The following IP6K3 variants were observed in gnomAD, a reference collection of about 807,000 sequenced individuals.
IP6K3 encodes inositol hexakisphosphate kinase 3, also known as ATP:1D-myo-inositol-hexakisphosphate phosphotransferase.
In IP6K3, 20 loss-of-function variants were observed where a neutral mutation model predicts 28.8. The observed-to-expected ratio is 0.70, with a 90% confidence interval of 0.49 to 1.01. IP6K3 has a LOEUF of 1.01. Ranked by LOEUF, IP6K3 falls within the 50% of genes least tolerant of loss-of-function variation. The probability of loss-of-function intolerance (pLI) is 0.00; values close to 1 mark genes in which losing one functional copy is unlikely to be tolerated. For missense variants in IP6K3, 480 were observed against 537.1 expected (o/e 0.89, Z 1.05); for synonymous variants, 213 against 221.3 (o/e 0.96, Z 0.33).
intron 1 of IP6K3, among the ~76,000 whole-genome samples, chr6:33,740,950 T>C (rs1766698263): frequency 6.6e-6 from 1 of 152,238 alleles, no homozygotes; most frequent in Admixed American, 6.5e-5. Context: ...TGGCTGACTG[T>C]GGCCATTGTC....
rs10947433 is a variant in IP6K3 at position 33,721,852 on chromosome 6, G to A, written c.*868C>T. On this transcript the variant is annotated 3_prime_UTR_variant, in exon 6 of 6. Coordinates refer to ENST00000293756, the MANE Select transcript of IP6K3 (RefSeq NM_054111.5). ...GTAAACATTGCCCCTGGTTTCCTCC[G>A]TCCTCCAGGTTCTTCTGACTCCCCA... 9,153 of 152,378 alleles carry A rather than the reference G, an allele frequency of 0.06. 448 individuals carry two copies. Among genetic ancestry groups the A allele is most frequent in the Admixed American group, 0.15 (2,236 of 15,256 alleles). 9.4% of individuals were successfully genotyped at this position (152,378 alleles called of 1,614,324 possible).
chr6:33,753,463 C>A, the IP6K3 span, among the ~76,000 whole-genome samples: 1 of 152,000 alleles, frequency 6.6e-6, no homozygotes, highest in African/African-American at 2.4e-5. Context: ...CCAAGCTGGG[C>A]CTTGAAGGAC....
intron 2 of IP6K3, among the ~76,000 whole-genome samples, chr6:33,731,250 C>T (rs920900472): frequency 1.8e-4 from 28 of 152,172 alleles, no homozygotes; most frequent in African/African-American, 5.5e-4. Flanking sequence ...AGCTGCCCTC[C>T]AGCACTCCCC....
intron 5 of IP6K3, among the ~76,000 whole-genome samples, chr6:33,723,543 A>G (rs1362036806): frequency 6.6e-6 from 1 of 152,208 alleles, no homozygotes; most frequent in African/African-American, 2.4e-5. Flanking sequence ...CTTCAATTCA[A>G]ATATTAGCAA....
the IP6K3 span, among the ~76,000 whole-genome samples, chr6:33,754,260 G>A: frequency 0.01 from 1,584 of 152,174 alleles, 20 homozygotes; most frequent in African/African-American, 0.035. Flanking sequence ...ACTTTCAGAC[G>A]TGGGTGGTGG....
At chr6:33,726,599 T>C in intron 4 of IP6K3, 132 bp downstream of exon 4, 1 of 926,186 alleles carries the variant, frequency 1.1e-6, no homozygotes, top group Non-Finnish European at 1.6e-6. Context: ...CAGCTATCCC[T>C]CACATCTGTC....
At position 33,744,576 on chromosome 6, in the gene IP6K3, C is replaced by T. The variant is rs541699832; in HGVS notation, c.-180+2182G>A. Among the ~76,000 whole-genome samples the T allele has an allele frequency of 6.6e-6, 1 of 152,210 alleles. No homozygotes were observed. The highest frequency in any genetic ancestry group is 2.1e-4 in the South Asian group (1 of 4,824). On this transcript the variant is annotated intron_variant, in intron 1 of 5. Coordinates refer to ENST00000293756, the MANE Select transcript of IP6K3 (RefSeq NM_054111.5). The surrounding 1 kb of genome is among the most constrained non-coding windows in gnomAD (Gnocchi z 4.4). ...GGCAAGGTTTTTCCCCACCAGAGGG[C>T]AGCAGCACACACGTTGAGGCCCCAA...
At chr6:33,733,845 G>A (rs762191217) in intron 2 of IP6K3, among the ~76,000 whole-genome samples, 4 of 152,230 alleles carry the variant, frequency 2.6e-5, no homozygotes, top group Non-Finnish European at 5.9e-5. Flanking sequence ...AACAGTGCTT[G>A]GAAGCAATGC....
chr6:33,727,837 T>C, intron 3 of IP6K3: 1 of 985,394 alleles, frequency 1.0e-6, no homozygotes, highest in Non-Finnish European at 1.2e-6. Context: ...GAATACCTAC[T>C]CAGTAGACAA....
Position 33,744,160 on chromosome 6 carries a change from G to T in IP6K3, c.-180+2598C>A, listed in dbSNP as rs376692631. 6.6e-6 allele frequency among the ~76,000 whole-genome samples: 1 copy of T among 152,170 alleles called. No homozygotes were observed. Among genetic ancestry groups the T allele is most frequent in the Non-Finnish European group, 1.5e-5 (1 of 68,032 alleles). On this transcript the variant is annotated intron_variant, in intron 1 of 5. Coordinates refer to ENST00000293756, the MANE Select transcript of IP6K3 (RefSeq NM_054111.5). The surrounding 1 kb of genome is among the most constrained non-coding windows in gnomAD (Gnocchi z 4.4). ...CCTGGACACGCAGCTCCTCAGCCAT[G>T]GTTAGCAACTGCTTTGACAGCCCCT...
At chr6:33,748,608 G>C (rs1040291222), upstream of IP6K3, among the ~76,000 whole-genome samples, 1 of 128,892 alleles carries the variant, frequency 7.8e-6, no homozygotes. Flanking sequence ...ATGCCACTGC[G>C]CTCCAGCTGG....
rs777799262 is a variant in IP6K3, at chr6:33,728,374, C to T, written c.200-74G>A. On this transcript the variant is annotated intron_variant, in intron 2 of 5. Coordinates refer to ENST00000293756, the MANE Select transcript of IP6K3 (RefSeq NM_054111.5). ...CCACACGGACATGCAGGAGTGATGA[C>T]GAGTTGGGAATTTAGCTTAATGGCC... 29 of 1,399,130 alleles carry T rather than the reference C, an allele frequency of 2.1e-5. No individual in the cohort carries two copies. In the Middle Eastern group the frequency reaches 1.4e-3, roughly 68 times the overall value. The allele number at this position is 1,399,130 out of a possible 1,614,324, so 86.7% of individuals were successfully genotyped here.
chr6:33,742,706 G>A lies in IP6K3; in HGVS notation c.-180+4052C>T, dbSNP rs1417913325. Among the ~76,000 whole-genome samples the A allele has an allele frequency of 6.6e-6, 1 of 152,166 alleles. No homozygotes were observed. The highest frequency in any genetic ancestry group is 2.4e-5 in the African/African-American group (1 of 41,444). On this transcript the variant is annotated intron_variant, in intron 1 of 5. Transcript: ENST00000293756. The surrounding 1 kb of genome is among the most constrained non-coding windows in gnomAD (Gnocchi z 4.5). ...CATTATTGAATTCCTAGTAGTTTTT[G>A]TCATCGTCTATTTTTCTCAATCAAC...
At position 33,726,705 on chromosome 6, in the gene IP6K3, A is replaced by G. The variant is rs1391584998; in HGVS notation, c.589+26T>C. ...TCTCTGTCGCCCCGCCCTTGGGACC[A>G]CATGTGAGGGGGATGGCAAGGATAC... On this transcript the variant is annotated intron_variant, in intron 4 of 5. Coordinates refer to ENST00000293756, the MANE Select transcript of IP6K3 (RefSeq NM_054111.5). 3.9e-6 allele frequency: 6 copies of G among 1,542,032 alleles called. No homozygotes were observed. In the African/African-American group the frequency reaches 5.5e-5, roughly 14 times the overall value.
intron 2 of IP6K3, 116 bp from the exon 3 acceptor site, chr6:33,728,416 G>A (rs946393666): frequency 7.9e-6 from 7 of 886,048 alleles, no homozygotes; most frequent in Non-Finnish European, 1.1e-5. Context: ...CACCTCCTCC[G>A]TTCCCCAGCT....
upstream of IP6K3, among the ~76,000 whole-genome samples, chr6:33,750,801 G>T (rs1365042979): frequency 6.6e-6 from 1 of 152,104 alleles, no homozygotes; most frequent in African/African-American, 2.4e-5. This position sits in a 1 kb window ranked among gnomAD's most constrained non-coding sequence, Gnocchi z 4.3. Context: ...GGGGCCTTTG[G>T]CTCGGTTGCT....
At chr6:33,725,738 A>G (rs913874392) in intron 4 of IP6K3, 122 bp from the exon 5 acceptor site, 10 of 759,434 alleles carry the variant, frequency 1.3e-5, no homozygotes, top group Non-Finnish European at 1.9e-5. Context: ...CTTCACTCCC[A>G]TTGCCTTCCT....
chr6:33,745,101 G>A (rs570395201), intron 1 of IP6K3, among the ~76,000 whole-genome samples: 2 of 152,382 alleles, frequency 1.3e-5, no homozygotes, highest in African/African-American at 2.4e-5. Context: ...GGGCCAGCAC[G>A]CGCTGCCACC....
At chr6:33,751,483 CGTGTGT>C (rs762389623), upstream of IP6K3, among the ~76,000 whole-genome samples, 321 of 61,592 alleles carry the variant, frequency 5.2e-3, 1 homozygote, top group African/African-American at 0.012. This position sits in a 1 kb window ranked among gnomAD's most constrained non-coding sequence, Gnocchi z 4.3. Flanking sequence ...CTCTGCAGGC[CGTGTGT>C]GTGTGTGTGT....
Sources: gnomAD v4.1 joint callset for allele counts (sites outside exome capture counted in the v4.1 genomes callset) on GRCh38, gnomAD v4.1.1 for gene constraint, Gnocchi (gnomAD v3.1) non-coding constraint, MANE v1.5 for transcripts, NCBI Gene and HGNC (gene_info 2026-07-23, HGNC 2026-07-21) for gene names.